Variants in RPA1 observed in about 807,000 individuals in gnomAD.
The protein encoded by RPA1 is replication protein A1, also known as replication protein A 70 kDa DNA-binding subunit.
In RPA1, 49 loss-of-function variants were observed where a neutral mutation model predicts 83.0. The ratio of observed to expected loss-of-function variants is 0.59; its 90% CI spans 0.47 to 0.75. The LOEUF (loss-of-function observed/expected upper bound fraction) is 0.75. Among genes scored for constraint, RPA1 ranks in the 30% least tolerant of loss-of-function variants. The probability of loss-of-function intolerance (pLI) is 0.00; values close to 1 mark genes in which losing one functional copy is unlikely to be tolerated. For synonymous variants in RPA1, 279 were observed against 281.8 expected (o/e 0.99, Z 0.10); for missense variants, 693 against 776.1 (o/e 0.89, Z 1.27).
chr17:1,839,516 G>C (rs1315070141), intron 1 of RPA1, among the ~76,000 whole-genome samples: 1 of 151,654 alleles, frequency 6.6e-6, no homozygotes, highest in East Asian at 2.0e-4. Context: ...AGTAGAGACG[G>C]GGTTTCACTA....
intron 2 of RPA1, among the ~76,000 whole-genome samples, chr17:1,843,327 G>A (rs1912127008): frequency 1.3e-5 from 2 of 151,762 alleles, no homozygotes; most frequent in Non-Finnish European, 2.9e-5. Context: ...TCAGTCGGCC[G>A]GTCTGATGGG....
At chr17:1,851,571 TC>T (rs1302489284) in intron 4 of RPA1, among the ~76,000 whole-genome samples, 12 of 152,242 alleles carry the variant, frequency 7.9e-5, no homozygotes, top group African/African-American at 2.7e-4. Context: ...GCTAGGTTCA[TC>T]TTGCTGATAT....
intron 8 of RPA1, 122 bp from the exon 9 acceptor site, chr17:1,878,871 C>G: frequency 1.1e-6 from 1 of 881,186 alleles, no homozygotes; most frequent in South Asian, 1.5e-5. Flanking sequence ...TGTGCAAGGG[C>G]CACTGCTCTC....
At chr17:1,859,993 A>G (rs538427130) in intron 5 of RPA1, among the ~76,000 whole-genome samples, 2 of 152,102 alleles carry the variant, frequency 1.3e-5, no homozygotes, top group African/African-American at 4.8e-5. Context: ...TTGTATTTTT[A>G]GTAGAGATAG....
rs569343211 is a variant in RPA1, at chr17:1,846,696, CTG to C, written c.272+2016_272+2017del. On this transcript the variant is annotated intron_variant, in intron 4 of 16. Coordinates refer to ENST00000254719, the MANE Select transcript of RPA1 (RefSeq NM_002945.5). ...TTCAGTTCTTTTCAACGAAGTTTTT[CTG>C]TGTGTTATTCCTTAATGTTGTTTTC... 1.6e-3 allele frequency among the ~76,000 whole-genome samples: 246 copies of C among 152,250 alleles called. 1 individual carries two copies. Among genetic ancestry groups the C allele is most frequent in the Non-Finnish European group, 2.9e-3 (194 of 68,020 alleles).
intron 12 of RPA1, 69 bp downstream of exon 12, chr17:1,880,760 C>G: frequency 6.3e-7 from 1 of 1,584,890 alleles, no homozygotes; most frequent in Non-Finnish European, 8.6e-7. Context: ...TTACAATCAG[C>G]ATGGGAGCTT....
Position 1,844,669 on chromosome 17 carries a change from C to T in RPA1, c.255C>T (p.Asn85=), listed in dbSNP as rs756235877. Residue 85 remains asparagine (N), a synonymous_variant, in exon 4 of 17, where the codon AAC becomes AAT. Coordinates refer to ENST00000254719, the MANE Select transcript of RPA1 (RefSeq NM_002945.5). ...GCCAGATTCACAGATTTATTGTGAACACTCTGAAAGACGGAAGGTATGTGC... is the reference window on the plus strand; with the variant it reads ...GCCAGATTCACAGATTTATTGTGAATACTCTGAAAGACGGAAGGTATGTGC... ...CVCQIHRFIV[N]TLKDGRRVVI... 2.5e-6 allele frequency: 4 copies of T among 1,612,014 alleles called. No individual in the cohort carries two copies. The highest frequency in any genetic ancestry group is 1.6e-4 in the Middle Eastern group (1 of 6,062).
intron 5 of RPA1, among the ~76,000 whole-genome samples, chr17:1,871,486 C>A (rs980656260): frequency 6.6e-6 from 1 of 152,100 alleles, no homozygotes; most frequent in South Asian, 2.1e-4. Context: ...CCGTGGGTAC[C>A]ATTTTTGTTC....
chr17:1,858,576 A>C, intron 5 of RPA1: 2 of 629,256 alleles, frequency 3.2e-6, no homozygotes, highest in South Asian at 3.6e-5. Context: ...CGATCCTCCC[A>C]CATCAGCCTC....
At chr17:1,879,996 G>C (rs575942872) in intron 11 of RPA1, among the ~76,000 whole-genome samples, 1 of 145,794 alleles carries the variant, frequency 6.9e-6, no homozygotes, top group Non-Finnish European at 1.5e-5. Context: ...CACACAGGAG[G>C]AGCTCCTGGA....
chr17:1,860,525 T>C (rs1266204978), intron 5 of RPA1, among the ~76,000 whole-genome samples: 1 of 152,170 alleles, frequency 6.6e-6, no homozygotes, highest in Non-Finnish European at 1.5e-5. Context: ...GTTAATCCCA[T>C]TGAGTGTATT....
rs1471297563 is a variant in RPA1, at chr17:1,888,819, T to C, written c.1519T>C (p.Phe507Leu). The change falls in exon 14 of 17, where the codon TTT (phenylalanine) becomes CTT (leucine). Residue 507 changes from phenylalanine (F) to leucine (L), a missense_variant. By Grantham distance (22) the Phe-to-Leu change is conservative. Coordinates refer to ENST00000254719, the MANE Select transcript of RPA1 (RefSeq NM_002945.5). ...CCGCTGTGAGAAGTGCGACACCGAA[T>C]TTCCCAATTTCAAGTACCGCATGAT... ...LYRCEKCDTE[F>L]PNFKYRMILS... is the part of the protein sequence containing the mutation. 2 of 1,614,026 alleles carry C rather than the reference T, an allele frequency of 1.2e-6. No individual in the cohort carries two copies. Among genetic ancestry groups the C allele is most frequent in the Non-Finnish European group, 1.7e-6 (2 of 1,179,898 alleles).
At chr17:1,840,487 C>T (rs1158675354) in intron 1 of RPA1, among the ~76,000 whole-genome samples, 3 of 152,002 alleles carry the variant, frequency 2.0e-5, no homozygotes, top group South Asian at 2.1e-4. Flanking sequence ...AGGGTTTCAC[C>T]GTGTTAGCCG....
intron 1 of RPA1, among the ~76,000 whole-genome samples, chr17:1,832,431 G>C (rs1366335214): frequency 6.6e-6 from 1 of 151,596 alleles, no homozygotes; most frequent in African/African-American, 2.4e-5. Context: ...CTGTTGCCCA[G>C]GCTGGAGTGC....
In RPA1 at chr17:1,897,092, A is replaced by G. The variant is rs746809055; in HGVS notation, c.1768A>G (p.Thr590Ala). The G allele has an allele frequency of 6.4e-6, 10 of 1,573,146 alleles. No homozygotes were observed. In the Admixed American group the frequency reaches 1.7e-4, roughly 26 times the overall value. ...GAAGGACGAGTCTCGAATTAAGGCC[A>G]CTGTGATGGACGTGAAGCCCGTGGA... ...TYNDESRIKA[T>A]VMDVKPVDYR... Residue 590 changes from threonine to alanine, a missense_variant, in exon 17 of 17, where the codon ACT (threonine) becomes GCT (alanine). Physicochemically the swap from Thr to Ala is moderately conservative, Grantham distance 58. Transcript: ENST00000254719.
chr17:1,882,576 G>A (rs558199620), intron 12 of RPA1, among the ~76,000 whole-genome samples: 8 of 152,130 alleles, frequency 5.3e-5, no homozygotes, highest in South Asian at 2.1e-4. Flanking sequence ...GCTGAGGCAC[G>A]AGAATCACTT....
chr17:1,856,505 A>G (rs7207141), intron 5 of RPA1, among the ~76,000 whole-genome samples: 55,862 of 151,568 alleles, frequency 0.37, 12,609 homozygotes, highest in Non-Finnish European at 0.53. Flanking sequence ...AGGCTGAGGC[A>G]GGAGAATCAC....
chr17:1,878,964 A>C, intron 8 of RPA1, 29 bp from the exon 9 acceptor site: 1 of 1,613,576 alleles, frequency 6.2e-7, no homozygotes, highest in South Asian at 1.1e-5. Flanking sequence ...TCAATCCCGC[A>C]GCCCTAACCT....
At position 1,891,931 on chromosome 17, in the gene RPA1, A is replaced by G. The variant is rs752850043; in HGVS notation, c.1650A>G (p.Leu550=). ...AAAATGCTGCTTATCTTGGGGAATT[A>G]AAAGACAAGGTCAGCCACATATTTT... The part of the protein sequence containing the change: ...LGQNAAYLGE[L]KDKNEQAFEE... Residue 550 remains leucine, a synonymous_variant, in exon 15 of 17, where the codon TTA becomes TTG. Coordinates refer to ENST00000254719, the MANE Select transcript of RPA1 (RefSeq NM_002945.5). 6.2e-7 allele frequency: 1 copy of G among 1,602,036 alleles called. No individual in the cohort carries two copies. The highest frequency in any genetic ancestry group is 1.7e-5 in the Admixed American group (1 of 59,708).
Sources: allele counts gnomAD v4.1 joint callset (sites outside exome capture counted in the v4.1 genomes callset), GRCh38; gene constraint gnomAD v4.1.1; transcripts MANE v1.5; gene names NCBI Gene and HGNC (gene_info 2026-07-23, HGNC 2026-07-21).